THSD7A: variants seen among roughly 807,000 people sequenced by gnomAD.
THSD7A encodes thrombospondin type 1 domain containing 7A, also known as thrombospondin type-1 domain-containing protein 7A.
THSD7A carries 96 observed loss-of-function variants against 231.3 expected under a neutral mutation model. The observed-to-expected ratio is 0.41, with a 90% confidence interval of 0.35 to 0.49. The LOEUF is 0.49. Ranked by LOEUF, THSD7A falls within the 20% of genes least tolerant of loss-of-function variation. The probability of loss-of-function intolerance (pLI) is 0.05; values close to 1 mark genes in which losing one functional copy is unlikely to be tolerated. For synonymous variants in THSD7A, 940 were observed against 743.3 expected, an observed-to-expected ratio of 1.26 and a Z score of -4.30; for missense variants, 2,290 against 2,070.2, an observed-to-expected ratio of 1.11 and a Z score of -2.06.
Position 11,767,018 on chromosome 7 carries a change from C to T in THSD7A, c.190+64739G>A, listed in dbSNP as rs114305874. Among the ~76,000 whole-genome samples the T allele has an allele frequency of 5.5e-3, 839 of 152,136 alleles. 7 individuals are homozygous for T. The highest frequency in any genetic ancestry group is 0.019 in the African/African-American group (793 of 41,492). The stretch of plus-strand genomic sequence containing the variant: ...AAATTGAAATGGTTAAGGAGGAGTG[C>T]CATGATATTTACAGAAAACTTCTTT... On this transcript the variant is annotated intron_variant, in intron 1 of 27. Coordinates refer to ENST00000423059, the MANE Select transcript of THSD7A (RefSeq NM_015204.3).
chr7:11,726,555 G>T (rs999229000), intron 1 of THSD7A, among the ~76,000 whole-genome samples: 72 of 151,286 alleles, frequency 4.8e-4, no homozygotes, highest in African/African-American at 1.7e-3. Flanking sequence ...GATTTTTTTT[G>T]CACCCTAATG....
intron 1 of THSD7A, among the ~76,000 whole-genome samples, chr7:11,706,630 C>CTTTTTTTTTT (rs66964252): frequency 4.5e-5 from 3 of 66,420 alleles, no homozygotes; most frequent in African/African-American, 6.2e-5. Flanking sequence ...TAACAAGGTG[C>CTTTTTTTTTT]TTTTTTTTTT....
intron 13 of THSD7A, among the ~76,000 whole-genome samples, chr7:11,436,605 T>C (rs897194256): frequency 6.6e-6 from 1 of 151,982 alleles, no homozygotes; most frequent in Non-Finnish European, 1.5e-5. Context: ...TAGATCTAAA[T>C]AGATTATAAT....
intron 17 of THSD7A, among the ~76,000 whole-genome samples, chr7:11,413,271 T>C (rs888771662): frequency 1.3e-5 from 2 of 152,028 alleles, no homozygotes; most frequent in African/African-American, 2.4e-5. Context: ...TAAATCCTAA[T>C]TTTAATTCTT....
At chr7:11,405,935 C>T (rs1385066222) in intron 22 of THSD7A, among the ~76,000 whole-genome samples, 1 of 152,162 alleles carries the variant, frequency 6.6e-6, no homozygotes, top group African/African-American at 2.4e-5. Flanking sequence ...TGTATTTAAA[C>T]ATTGGCCTCT....
chr7:11,399,530 A>G (rs1322388933), intron 23 of THSD7A, among the ~76,000 whole-genome samples: 2 of 152,118 alleles, frequency 1.3e-5, no homozygotes, highest in African/African-American at 2.4e-5. Context: ...GCTTTTCTTA[A>G]AAATTTATTC....
In THSD7A at chr7:11,444,310, G is replaced by A. The variant is rs1016030162; in HGVS notation, c.3064+1751C>T. Among the ~76,000 whole-genome samples the A allele has an allele frequency of 1.3e-5, 2 of 151,978 alleles. No homozygotes were observed. Among genetic ancestry groups the A allele is most frequent in the Admixed American group, 6.6e-5 (1 of 15,238 alleles). The stretch of plus-strand genomic sequence containing the variant: ...CAATCCCATTACTGGGTATATACCC[G>A]AAGGATTATAAATCATTCTACTATA... On this transcript the variant is annotated intron_variant, in intron 13 of 27. Transcript: ENST00000423059. The surrounding 1 kb of genome is among the most constrained non-coding windows in gnomAD (Gnocchi z 4.2).
chr7:11,719,838 C>T (rs945744671), intron 1 of THSD7A, among the ~76,000 whole-genome samples: 3 of 151,650 alleles, frequency 2.0e-5, no homozygotes. Flanking sequence ...CTAAAATAGC[C>T]CTGAACCCTA....
At chr7:11,381,894 C>T (rs998547473) in intron 24 of THSD7A, among the ~76,000 whole-genome samples, 10 of 152,054 alleles carry the variant, frequency 6.6e-5, no homozygotes, top group Non-Finnish European at 1.3e-4. Flanking sequence ...TAGAGTAGTT[C>T]TTTGGAGGTA....
rs1781909534 is a variant in THSD7A, at chr7:11,637,430, C to A, written c.191-469G>T. On this transcript the variant is annotated intron_variant, in intron 1 of 27. Transcript: ENST00000423059. This position sits in a 1 kb window ranked among gnomAD's most constrained non-coding sequence, Gnocchi z 4.2. ...ACTATTTTGTGGAACTTGCTCTCTT[C>A]TTCAACATATTTTATTTTCATAGAC... 6.6e-6 allele frequency among the ~76,000 whole-genome samples: 1 copy of A among 152,186 alleles called. No homozygotes were observed.
At chr7:11,449,152 G>A (rs1785066761) in intron 11 of THSD7A, among the ~76,000 whole-genome samples, 1 of 151,964 alleles carries the variant, frequency 6.6e-6, no homozygotes, top group Admixed American at 6.6e-5. Context: ...TGATTTCCCT[G>A]GTTGAGGTTG....
At chr7:11,753,480 A>AG (rs1782572040) in intron 1 of THSD7A, among the ~76,000 whole-genome samples, 1 of 151,782 alleles carries the variant, frequency 6.6e-6, no homozygotes, top group South Asian at 2.1e-4. Context: ...GCTTAAACTT[A>AG]GGGGGTGGAA....
Position 11,626,001 on chromosome 7 carries a change from G to T in THSD7A, c.1022+10129C>A, listed in dbSNP as rs192109986. ...AGCTAAATAGAACAACTAAATGGGA[G>T]ATATTACTAAAACTCCCAGGAAAAG... On this transcript the variant is annotated intron_variant, in intron 2 of 27. Transcript: ENST00000423059. Among the ~76,000 whole-genome samples the T allele has an allele frequency of 1.6e-3, 247 of 152,176 alleles. 1 individual carries two copies. Among genetic ancestry groups the T allele is most frequent in the Non-Finnish European group, 1.1e-3 (73 of 67,972 alleles).
chr7:11,683,767 A>G (rs925574307), intron 1 of THSD7A, among the ~76,000 whole-genome samples: 1 of 151,950 alleles, frequency 6.6e-6, no homozygotes, highest in Non-Finnish European at 1.5e-5. Context: ...GTACCAGATG[A>G]ATTCATAGGC....
intron 4 of THSD7A, among the ~76,000 whole-genome samples, chr7:11,587,986 A>G (rs1779984513): frequency 6.6e-6 from 1 of 152,172 alleles, no homozygotes; most frequent in Non-Finnish European, 1.5e-5. Context: ...CTGCAAAGAG[A>G]ACAGTGTAGA....
intron 1 of THSD7A, among the ~76,000 whole-genome samples, chr7:11,670,695 T>C (rs1030223000): frequency 6.6e-6 from 1 of 152,294 alleles, no homozygotes; most frequent in Non-Finnish European, 1.5e-5. Context: ...GCACTGTAGA[T>C]GGTATTAACT....
intron 1 of THSD7A, among the ~76,000 whole-genome samples, chr7:11,784,588 T>C (rs543222882): frequency 6.6e-6 from 1 of 152,196 alleles, no homozygotes; most frequent in East Asian, 1.9e-4. Flanking sequence ...ATTATTACTA[T>C]TTTTTCTAGG....
chr7:11,465,881 G>A (rs905268934), intron 9 of THSD7A, among the ~76,000 whole-genome samples: 1 of 151,988 alleles, frequency 6.6e-6, no homozygotes, highest in African/African-American at 2.4e-5. Context: ...TGTGCATAAG[G>A]TATTTCTATT....
intron 1 of THSD7A, among the ~76,000 whole-genome samples, chr7:11,683,565 A>C (rs1238045933): frequency 1.3e-5 from 2 of 152,036 alleles, no homozygotes; most frequent in African/African-American, 4.8e-5. Context: ...CAAAGAAACA[A>C]AAAAGATCCT....
Sources: allele counts gnomAD v4.1 joint callset (sites outside exome capture counted in the v4.1 genomes callset), GRCh38; gene constraint gnomAD v4.1.1; non-coding constraint Gnocchi (gnomAD v3.1); transcripts MANE v1.5; gene names NCBI Gene and HGNC (gene_info 2026-07-23, HGNC 2026-07-21).